The following PLPP4 variants were observed in gnomAD, a reference collection of about 807,000 sequenced individuals.
PLPP4 encodes diacylglycerol pyrophosphate like 2.
In PLPP4, 20 loss-of-function variants were observed where a neutral mutation model predicts 32.2. The ratio of observed to expected loss-of-function variants is 0.62; its 90% CI spans 0.44 to 0.90. The LOEUF (loss-of-function observed/expected upper bound fraction) is 0.90, where lower values mean the gene tolerates loss of function less well. Among genes scored for constraint, PLPP4 ranks in the 40% least tolerant of loss-of-function variants. The pLI, the probability that PLPP4 is intolerant of heterozygous loss-of-function variation, is 0.00. For synonymous variants in PLPP4, 127 were observed against 133.0 expected (o/e 0.95, Z 0.31); for missense variants, 257 against 353.1 (o/e 0.73, Z 2.18).
At chr10:120,523,366 G>A (rs1174573100) in intron 5 of PLPP4, among the ~76,000 whole-genome samples, 1 of 151,832 alleles carries the variant, frequency 6.6e-6, no homozygotes, top group Non-Finnish European at 1.5e-5. Flanking sequence ...ACTTACGGCA[G>A]AACACCCGTT....
chr10:120,535,068 T>A (rs370517577), intron 5 of PLPP4, among the ~76,000 whole-genome samples: 9 of 152,168 alleles, frequency 5.9e-5, no homozygotes, highest in African/African-American at 2.2e-4. Flanking sequence ...AATAGAGAAA[T>A]TCTCAGTACT....
At chr10:120,531,016 G>A (rs1404641508) in intron 5 of PLPP4, among the ~76,000 whole-genome samples, 1 of 151,330 alleles carries the variant, frequency 6.6e-6, no homozygotes, top group East Asian at 1.9e-4. Flanking sequence ...AATTTTTCAT[G>A]CCTATTTTCT....
chr10:120,515,962 C>T (rs2062359996), intron 3 of PLPP4, among the ~76,000 whole-genome samples: 1 of 152,200 alleles, frequency 6.6e-6, no homozygotes, highest in African/African-American at 2.4e-5. Flanking sequence ...CCAGACTTTT[C>T]ATTCTCAGCT....
intron 1 of PLPP4, among the ~76,000 whole-genome samples, chr10:120,458,452 T>C (rs759472633): frequency 9.2e-5 from 14 of 152,234 alleles, no homozygotes; most frequent in Admixed American, 3.9e-4. Context: ...TCTGCCTCAA[T>C]CTGGAGTCAT....
intron 5 of PLPP4, among the ~76,000 whole-genome samples, chr10:120,524,533 G>C (rs774775254): frequency 6.6e-6 from 1 of 152,162 alleles, no homozygotes; most frequent in East Asian, 1.9e-4. Flanking sequence ...ATCGTCCTTA[G>C]AACAGCTGGT....
At chr10:120,582,992 A>G (rs970617485) in intron 6 of PLPP4, among the ~76,000 whole-genome samples, 1 of 152,006 alleles carries the variant, frequency 6.6e-6, no homozygotes, top group African/African-American at 2.4e-5. Flanking sequence ...TCACAGAAAC[A>G]TGAAGCTTCA....
intron 1 of PLPP4, among the ~76,000 whole-genome samples, chr10:120,490,164 G>T (rs1844651551): frequency 6.6e-6 from 1 of 152,204 alleles, no homozygotes; most frequent in Non-Finnish European, 1.5e-5. Context: ...GTACCAAACA[G>T]GCAACCATTC....
rs559905780 is a variant in PLPP4 at position 120,557,241 on chromosome 10, A to G, written c.446-17890A>G. Among the ~76,000 whole-genome samples, 31 of 152,314 alleles carry G rather than the reference A, an allele frequency of 2.0e-4. 1 individual carries two copies. In the South Asian group the frequency reaches 5.0e-3, roughly 24 times the overall value. ...GCTGCATTAGAAAAATAAAATAGCA[A>G]TGAAGCTTGAAATATGTTTTGGTGT... On this transcript the variant is annotated intron_variant, in intron 5 of 6. Transcript: ENST00000398250.
chr10:120,473,190 T>G (rs1475159838), intron 1 of PLPP4, among the ~76,000 whole-genome samples: 1 of 152,228 alleles, frequency 6.6e-6, no homozygotes, highest in Non-Finnish European at 1.5e-5. Context: ...AGATTCTGGA[T>G]TGTTATTTTT....
At chr10:120,512,490 C>T (rs1023788147) in intron 2 of PLPP4, among the ~76,000 whole-genome samples, 4 of 152,152 alleles carry the variant, frequency 2.6e-5, no homozygotes, top group African/African-American at 7.2e-5. Flanking sequence ...TACAAATGGC[C>T]TCTGAAGACA....
chr10:120,520,903 G>A lies in PLPP4; in HGVS notation c.321-68G>A. ...GAGCTGGGGGCAGTGGGGAGTTGGG[G>A]GGGTCAGCTTGGGGTCATTTGTGAT... On this transcript the variant is annotated intron_variant, in intron 4 of 6. Transcript: ENST00000398250. 1.9e-6 allele frequency: 3 copies of A among 1,590,806 alleles called. No individual in the cohort carries two copies. In the Admixed American group the frequency reaches 5.1e-5, roughly 27 times the overall value.
intron 1 of PLPP4, among the ~76,000 whole-genome samples, chr10:120,465,040 T>C (rs1848249310): frequency 6.6e-6 from 1 of 152,242 alleles, no homozygotes; most frequent in Non-Finnish European, 1.5e-5. Flanking sequence ...TATGGTTTCA[T>C]AACTTGTGGA....
At chr10:120,496,851 G>A (rs1844986083) in intron 1 of PLPP4, among the ~76,000 whole-genome samples, 1 of 152,054 alleles carries the variant, frequency 6.6e-6, no homozygotes, top group Non-Finnish European at 1.5e-5. Flanking sequence ...ACCAACAAGA[G>A]CATGGGAGTG....
intron 2 of PLPP4, among the ~76,000 whole-genome samples, chr10:120,508,299 C>T (rs529089414): frequency 1.1e-4 from 16 of 152,200 alleles, no homozygotes; most frequent in African/African-American, 3.9e-4. Flanking sequence ...TAATTGTTTA[C>T]CCAGAGCAGG....
At chr10:120,505,199 G>A (rs558282016) in intron 2 of PLPP4, among the ~76,000 whole-genome samples, 1 of 152,348 alleles carries the variant, frequency 6.6e-6, no homozygotes, top group South Asian at 2.1e-4. Flanking sequence ...CACACAGCTA[G>A]TGAGCACAGC....
intron 5 of PLPP4, among the ~76,000 whole-genome samples, chr10:120,569,811 G>A (rs909880009): frequency 1.3e-5 from 2 of 152,196 alleles, no homozygotes; most frequent in African/African-American, 4.8e-5. Flanking sequence ...CATATCGGGT[G>A]CCTCCTATTG....
At chr10:120,505,219 T>C (rs1334000074) in intron 2 of PLPP4, among the ~76,000 whole-genome samples, 1 of 152,246 alleles carries the variant, frequency 6.6e-6, no homozygotes, top group African/African-American at 2.4e-5. Flanking sequence ...CACCAGGTTC[T>C]AGCGGCCAGC....
At chr10:120,474,835 G>A (rs1446965220) in intron 1 of PLPP4, among the ~76,000 whole-genome samples, 3 of 152,162 alleles carry the variant, frequency 2.0e-5, no homozygotes, top group Non-Finnish European at 2.9e-5. Context: ...TTTACTCCTT[G>A]ACTATTCAAA....
At chr10:120,457,477 G>C in intron 1 of PLPP4, 116 bp downstream of exon 1, 1 of 872,948 alleles carries the variant, frequency 1.1e-6, no homozygotes, top group Non-Finnish European at 1.7e-6. Context: ...TGGGTTCGAG[G>C]TCCCTTCCCC....
Sources: gnomAD v4.1 joint callset for allele counts (sites outside exome capture counted in the v4.1 genomes callset) on GRCh38, gnomAD v4.1.1 for gene constraint, MANE v1.5 for transcripts, NCBI Gene and HGNC (gene_info 2026-07-23, HGNC 2026-07-21) for gene names.